FANCC: variants seen among roughly 807,000 people sequenced by gnomAD.
FANCC encodes the protein FA complementation group C.
In FANCC, 55 loss-of-function variants were observed where a neutral mutation model predicts 71.3. That is an observed-to-expected ratio of 0.77 (90% CI 0.62 to 0.97). The LOEUF is 0.97. Ranked by LOEUF, FANCC falls within the 50% of genes least tolerant of loss-of-function variation. FANCC has a pLI of 0.00. For missense variants in FANCC, 678 were observed against 670.9 expected, an observed-to-expected ratio of 1.01 and a Z score of -0.12; for synonymous variants, 275 against 244.9, an observed-to-expected ratio of 1.12 and a Z score of -1.15.
chr9:95,192,086 T>A (rs946981517), intron 4 of FANCC, among the ~76,000 whole-genome samples: 6 of 152,212 alleles, frequency 3.9e-5, no homozygotes, highest in African/African-American at 1.4e-4. Context: ...ATTTCCTTTT[T>A]AAGAATGAAG....
Position 95,247,431 on chromosome 9 carries a change from C to A in FANCC, c.250+1G>T. 1 of 1,609,728 alleles carries A rather than the reference C, an allele frequency of 6.2e-7. No individual in the cohort carries two copies. Among genetic ancestry groups the A allele is most frequent in the Non-Finnish European group, 8.5e-7 (1 of 1,176,274 alleles). ...TGAGAGGACACGTTTTTGATTCTTA[C>A]CATATGCTAAAATAAAAGGATTCCA... On this transcript the variant is annotated splice_donor_variant, in intron 3 of 14. Transcript: ENST00000289081. LOFTEE classifies it high-confidence loss of function.
chr9:95,173,863 T>C (rs1015422079), intron 4 of FANCC, among the ~76,000 whole-genome samples: 3 of 152,134 alleles, frequency 2.0e-5, no homozygotes, highest in Non-Finnish European at 2.9e-5. Flanking sequence ...GGCTCTGCAC[T>C]CCAGGCTGGG....
intron 1 of FANCC, among the ~76,000 whole-genome samples, chr9:95,254,464 G>C (rs545889441): frequency 1.3e-5 from 2 of 152,196 alleles, no homozygotes; most frequent in African/African-American, 4.8e-5. Flanking sequence ...CCTCACCCAA[G>C]AAGCACAATG....
chr9:95,267,331 G>A (rs1832440356), intron 1 of FANCC, among the ~76,000 whole-genome samples: 1 of 152,154 alleles, frequency 6.6e-6, no homozygotes, highest in African/African-American at 2.4e-5. Context: ...CTGTCAGGCA[G>A]GACCAGGCAC....
chr9:95,170,637 C>CGTGTGTGTGTGGGT (rs1825605836), intron 6 of FANCC, among the ~76,000 whole-genome samples: 1 of 124,290 alleles, frequency 8.0e-6, no homozygotes, highest in Non-Finnish European at 1.7e-5. Flanking sequence ...TTGTAAATAT[C>CGTGTGTGTGTGGGT]GTGTGTGTGT....
At chr9:95,277,529 C>T (rs1360541652) in intron 1 of FANCC, among the ~76,000 whole-genome samples, 1 of 152,038 alleles carries the variant, frequency 6.6e-6, no homozygotes, top group Non-Finnish European at 1.5e-5. Context: ...TAAAAAGAAA[C>T]ATATAAACTC....
At chr9:95,236,540 T>C (rs1364313099) in intron 4 of FANCC, among the ~76,000 whole-genome samples, 1 of 152,240 alleles carries the variant, frequency 6.6e-6, no homozygotes, top group Admixed American at 6.5e-5. Context: ...GTGTTTCCAG[T>C]ATAACACATG....
At chr9:95,196,158 A>T (rs1200988273) in intron 4 of FANCC, among the ~76,000 whole-genome samples, 1 of 152,104 alleles carries the variant, frequency 6.6e-6, no homozygotes, top group Non-Finnish European at 1.5e-5. Context: ...TATAAGAACG[A>T]ATCTCCTTGC....
chr9:95,126,365 G>C (rs1825976341), intron 9 of FANCC, among the ~76,000 whole-genome samples, 164 bp downstream of exon 9: 1 of 152,102 alleles, frequency 6.6e-6, no homozygotes, highest in Non-Finnish European at 1.5e-5. Flanking sequence ...ACTGATTTTT[G>C]AGTTTTTACC....
chr9:95,184,581 A>G (rs1232237108), intron 4 of FANCC, among the ~76,000 whole-genome samples: 1 of 152,220 alleles, frequency 6.6e-6, no homozygotes, highest in Non-Finnish European at 1.5e-5. Flanking sequence ...GGATCTTAGC[A>G]AGAAAAATTC....
chr9:95,190,300 G>A (rs771945075), intron 4 of FANCC, among the ~76,000 whole-genome samples: 8 of 152,024 alleles, frequency 5.3e-5, no homozygotes, highest in Non-Finnish European at 1.0e-4. Context: ...GCAGTGACCC[G>A]CGTCATTGCT....
rs10666439 is a variant in FANCC at position 95,235,844 on chromosome 9, C to CAAAAA, written c.345+4800_345+4804dup. 1.1e-4 allele frequency among the ~76,000 whole-genome samples: 4 copies of CAAAAA among 36,222 alleles called. 1 individual carries two copies. Among genetic ancestry groups the CAAAAA allele is most frequent in the African/African-American group, 2.4e-4 (2 of 8,232 alleles). 23.8% of individuals were successfully genotyped at this position (36,222 alleles called of 152,430 possible). On this transcript the variant is annotated intron_variant, in intron 4 of 14. Transcript: ENST00000289081. ...GGGCAACAAGAGTGAAACTCCACCT[C>CAAAAA]AAAAAAAAAAAAAAAAAAAAAAAAA...
chr9:95,107,613 C>T (rs1265630046), intron 13 of FANCC: 1 of 416,226 alleles, frequency 2.4e-6, no homozygotes, highest in Non-Finnish European at 4.5e-6. Flanking sequence ...GAAGACTCGC[C>T]TATCACAGCC....
chr9:95,239,243 C>G (rs971812562), intron 4 of FANCC, among the ~76,000 whole-genome samples: 1 of 152,178 alleles, frequency 6.6e-6, no homozygotes, highest in African/African-American at 2.4e-5. Flanking sequence ...AACTCAACCA[C>G]GCTGCCCTGG....
Position 95,111,543 on chromosome 9 carries a change from C to G in FANCC, c.1249G>C (p.Glu417Gln), listed in dbSNP as rs140687953. Residue 417 changes from glutamate to glutamine, a missense_variant, in exon 13 of 15, where the codon GAA becomes CAA. Transcript: ENST00000289081. ...VAEQLLMSAA[E>Q]PPTALLWLLA... is the part of the protein sequence containing the mutation. Reference sequence around the variant, plus strand: ...AGCCACAGCAGGGCCGTGGGGGGTTCGGCTGCCGACATCAGTAATTGCTCT... The same window carrying G: ...AGCCACAGCAGGGCCGTGGGGGGTTGGGCTGCCGACATCAGTAATTGCTCT... 5 of 1,614,026 alleles carry G rather than the reference C, an allele frequency of 3.1e-6. No individual in the cohort carries two copies. The highest frequency in any genetic ancestry group is 3.4e-6 in the Non-Finnish European group (4 of 1,180,050).
intron 1 of FANCC, among the ~76,000 whole-genome samples, chr9:95,311,058 C>A (rs1476118611): frequency 6.6e-6 from 1 of 152,020 alleles, no homozygotes; most frequent in Non-Finnish European, 1.5e-5. Flanking sequence ...TCCTGGCTAA[C>A]ACGGTGAAAC....
At chr9:95,116,685 C>T (rs1473928497) in intron 11 of FANCC, among the ~76,000 whole-genome samples, 1 of 152,192 alleles carries the variant, frequency 6.6e-6, no homozygotes, top group East Asian at 1.9e-4. Flanking sequence ...TCTCTATTTC[C>T]GAAATGTCTC....
chr9:95,181,236 G>A (rs1588237163), intron 4 of FANCC, among the ~76,000 whole-genome samples: 1 of 151,542 alleles, frequency 6.6e-6, no homozygotes, highest in East Asian at 2.0e-4. Context: ...CCATAATTCT[G>A]TAATATAAGT....
chr9:95,158,850 C>T (rs888481453), intron 6 of FANCC, among the ~76,000 whole-genome samples: 1 of 151,940 alleles, frequency 6.6e-6, no homozygotes, highest in Non-Finnish European at 1.5e-5. Context: ...AGAACTGCTA[C>T]ACATCCTGAG....
Sources: allele counts gnomAD v4.1 joint callset (sites outside exome capture counted in the v4.1 genomes callset), GRCh38; gene constraint gnomAD v4.1.1; transcripts MANE v1.5; gene names NCBI Gene and HGNC (gene_info 2026-07-23, HGNC 2026-07-21).